The following SNTG1 variants were observed in gnomAD, a reference collection of about 807,000 sequenced individuals.
The protein encoded by SNTG1 is gamma-1-syntrophin.
In SNTG1, 39 loss-of-function variants were observed where a neutral mutation model predicts 74.7. That is an observed-to-expected ratio of 0.52 (90% CI 0.40 to 0.68). The LOEUF is 0.68. SNTG1 is among the 30% of genes least tolerant of loss of function. The probability of loss-of-function intolerance (pLI) is 0.00; values close to 1 mark genes in which losing one functional copy is unlikely to be tolerated. For synonymous variants in SNTG1, 254 were observed against 217.1 expected, an observed-to-expected ratio of 1.17 and a Z score of -1.49; for missense variants, 685 against 609.5, an observed-to-expected ratio of 1.12 and a Z score of -1.30.
chr8:50,680,523 C>G (rs932620092), intron 15 of SNTG1, among the ~76,000 whole-genome samples: 8 of 152,090 alleles, frequency 5.3e-5, no homozygotes, highest in African/African-American at 1.9e-4. Flanking sequence ...GCATCATTTT[C>G]AGATTCTTTT....
rs577383584 is a variant in SNTG1 at position 49,984,572 on chromosome 8, A to C, written c.-103+72341A>C. ...GACTTGAGATATAAAATTTTCCTTA[A>C]TGTTTTACACCTAAATGTATAACTT... is the stretch of plus-strand genomic sequence containing the variant. On this transcript the variant is annotated intron_variant, in intron 1 of 18. Transcript: ENST00000642720. 2.6e-5 allele frequency among the ~76,000 whole-genome samples: 4 copies of C among 152,276 alleles called. No individual in the cohort carries two copies. The South Asian group carries it at 8.3e-4, about 32-fold the overall frequency.
intron 1 of SNTG1, among the ~76,000 whole-genome samples, chr8:50,078,184 T>A (rs1482998483): frequency 3.3e-5 from 5 of 152,228 alleles, no homozygotes; most frequent in Non-Finnish European, 7.3e-5. Flanking sequence ...TTCTGTAAGA[T>A]AATAAGTTTC....
At chr8:50,111,215 T>C (rs944053726) in intron 1 of SNTG1, among the ~76,000 whole-genome samples, 1 of 152,108 alleles carries the variant, frequency 6.6e-6, no homozygotes, top group African/African-American at 2.4e-5. Flanking sequence ...TACTGTACTT[T>C]CCTGCTATGG....
intron 2 of SNTG1, among the ~76,000 whole-genome samples, chr8:50,317,437 TAGCAAC>T (rs1416104106): frequency 6.6e-6 from 1 of 152,190 alleles, no homozygotes; most frequent in Non-Finnish European, 1.5e-5. Flanking sequence ...ATCAGCCCTT[TAGCAAC>T]AGTAAACAGC....
intron 2 of SNTG1, among the ~76,000 whole-genome samples, chr8:50,343,475 T>C (rs1315627755): frequency 1.3e-5 from 2 of 152,184 alleles, no homozygotes; most frequent in Non-Finnish European, 2.9e-5. Context: ...TAGCAATTGA[T>C]TTATTTTAAT....
chr8:50,411,622 T>A (rs1450703855), intron 4 of SNTG1, among the ~76,000 whole-genome samples: 1 of 152,024 alleles, frequency 6.6e-6, no homozygotes, highest in Non-Finnish European at 1.5e-5. Context: ...AAACCTAGAG[T>A]GTCCCTGTCT....
chr8:50,353,299 A>G (rs2091723544), intron 2 of SNTG1, among the ~76,000 whole-genome samples: 1 of 151,672 alleles, frequency 6.6e-6, no homozygotes, highest in Non-Finnish European at 1.5e-5. Context: ...AGATATACCT[A>G]TTGTAAATGA....
intron 3 of SNTG1, among the ~76,000 whole-genome samples, chr8:50,399,676 T>C (rs2092775400): frequency 7.5e-6 from 1 of 132,690 alleles, no homozygotes; most frequent in Non-Finnish European, 1.6e-5. Context: ...ATTTCATATT[T>C]CCACTCCTCA....
In SNTG1 at chr8:50,320,505, T is replaced by C. The variant is rs570654752; in HGVS notation, c.-27-73707T>C. Among the ~76,000 whole-genome samples the C allele has an allele frequency of 8.6e-5, 13 of 151,318 alleles. 1 individual carries two copies. The highest frequency in any genetic ancestry group is 3.1e-4 in the African/African-American group (13 of 41,502). On this transcript the variant is annotated intron_variant, in intron 2 of 18. Transcript: ENST00000642720. ...TTTTGTATTGTTTTCTTCATTTCAA[T>C]TTCATTTAATTCTTCTCTGATCTTT...
At chr8:50,701,581 TC>T in intron 15 of SNTG1, among the ~76,000 whole-genome samples, 1 of 127,370 alleles carries the variant, frequency 7.9e-6, no homozygotes, top group African/African-American at 2.9e-5. Context: ...AATACCTTTT[TC>T]TTCCTCTTCT....
At position 50,514,037 on chromosome 8, in the gene SNTG1, C is replaced by T. The variant is rs574499042; in HGVS notation, c.466+11157C>T. Among the ~76,000 whole-genome samples, 3 of 152,312 alleles carry T rather than the reference C, an allele frequency of 2.0e-5. 1 individual carries two copies. In the South Asian group the frequency reaches 6.2e-4, roughly 32 times the overall value. ...TGGGAGCTGTAGACTGGAGCTGTTC[C>T]TATTTGGCCATCTTGGCTCCCCCTG... On this transcript the variant is annotated intron_variant, in intron 9 of 18. Coordinates refer to ENST00000642720, the MANE Select transcript of SNTG1 (RefSeq NM_018967.5).
chr8:50,199,147 T>G (rs1432088828), intron 2 of SNTG1, among the ~76,000 whole-genome samples: 2 of 152,138 alleles, frequency 1.3e-5, no homozygotes, highest in African/African-American at 4.8e-5. Flanking sequence ...GTGTTTTTTT[T>G]TAAAATCACA....
chr8:50,177,264 GCC>G (rs1265293636), intron 2 of SNTG1, among the ~76,000 whole-genome samples: 1 of 152,122 alleles, frequency 6.6e-6, no homozygotes, highest in Non-Finnish European at 1.5e-5. Context: ...AGAGTGTGGG[GCC>G]CTCTTGTTCA....
intron 1 of SNTG1, among the ~76,000 whole-genome samples, chr8:49,934,280 G>GATCT (rs6150575): frequency 0.031 from 4,573 of 146,448 alleles, 70 homozygotes; most frequent in East Asian, 0.048. Flanking sequence ...ATACTATATA[G>GATCT]ATCTATCTAT....
intron 2 of SNTG1, among the ~76,000 whole-genome samples, chr8:50,219,212 T>G (rs1430116173): frequency 6.6e-6 from 1 of 152,140 alleles, no homozygotes; most frequent in Non-Finnish European, 1.5e-5. Context: ...CCACTCTACT[T>G]CTAATGCCAA....
chr8:50,150,435 A>G (rs2082026565), intron 1 of SNTG1, among the ~76,000 whole-genome samples: 3 of 152,144 alleles, frequency 2.0e-5, no homozygotes, highest in African/African-American at 7.2e-5. Context: ...ACTATGTTGA[A>G]TAGGAGTGGT....
chr8:50,540,469 AT>A (rs1185404823), intron 11 of SNTG1, among the ~76,000 whole-genome samples: 1 of 152,012 alleles, frequency 6.6e-6, no homozygotes, highest in African/African-American at 2.4e-5. Flanking sequence ...GAGTATTGTC[AT>A]TTTTTTAGTG....
At chr8:50,672,361 T>C (rs1255285434) in intron 15 of SNTG1, among the ~76,000 whole-genome samples, 2 of 152,164 alleles carry the variant, frequency 1.3e-5, no homozygotes, top group African/African-American at 4.8e-5. Flanking sequence ...TTCTTAACTT[T>C]TTAATAATCA....
chr8:50,133,500 A>G (rs1342818116), intron 1 of SNTG1, among the ~76,000 whole-genome samples: 1 of 152,148 alleles, frequency 6.6e-6, no homozygotes, highest in Non-Finnish European at 1.5e-5. Flanking sequence ...GCTGCCATAA[A>G]CTGAGTGGCT....
Sources: allele counts gnomAD v4.1 joint callset (sites outside exome capture counted in the v4.1 genomes callset), GRCh38; gene constraint gnomAD v4.1.1; transcripts MANE v1.5; gene names NCBI Gene and HGNC (gene_info 2026-07-23, HGNC 2026-07-21).